CD38: variants seen among roughly 807,000 people sequenced by gnomAD.
CD38 encodes the protein ADP-ribosyl cyclase/cyclic ADP-ribose hydrolase 1.
In CD38, 31 loss-of-function variants were observed where a neutral mutation model predicts 36.3. The ratio of observed to expected loss-of-function variants is 0.85; its 90% CI spans 0.64 to 1.15. The LOEUF is 1.15. Ranked by LOEUF, CD38 falls within the 50% of genes most tolerant of loss-of-function variation. CD38 has a pLI of 0.00. For synonymous variants in CD38, 131 were observed against 135.2 expected, an observed-to-expected ratio of 0.97 and a Z score of 0.22; for missense variants, 380 against 371.9, an observed-to-expected ratio of 1.02 and a Z score of -0.18.
intron 1 of CD38, among the ~76,000 whole-genome samples, chr4:15,811,866 A>G (rs1577647032): frequency 6.6e-6 from 1 of 152,192 alleles, no homozygotes; most frequent in East Asian, 1.9e-4. Context: ...AAGTACTTTA[A>G]ACAAGACCAT....
chr4:15,839,415 C>CTTTTTTT (rs560134404), intron 5 of CD38, among the ~76,000 whole-genome samples: 9 of 88,066 alleles, frequency 1.0e-4, no homozygotes, highest in African/African-American at 1.0e-4. Flanking sequence ...TTCTACATTT[C>CTTTTTTT]TTTTTTTTTT....
At chr4:15,841,967 G>A (rs1363171401) in intron 7 of CD38, among the ~76,000 whole-genome samples, 2 of 138,742 alleles carry the variant, frequency 1.4e-5, no homozygotes, top group Non-Finnish European at 3.1e-5. Flanking sequence ...CTGCAAGGCG[G>A]CAACGAGGCT....
At chr4:15,823,786 C>T (rs569863033) in intron 2 of CD38, among the ~76,000 whole-genome samples, 26 of 152,204 alleles carry the variant, frequency 1.7e-4, no homozygotes, top group South Asian at 1.2e-3. Context: ...CTAGAAATAC[C>T]GTTTGACCCA....
At chr4:15,781,934 G>T (rs563452277) in intron 1 of CD38, among the ~76,000 whole-genome samples, 1 of 152,294 alleles carries the variant, frequency 6.6e-6, no homozygotes, top group African/African-American at 2.4e-5. Context: ...GGTTTGACTG[G>T]GATCAGCTGA....
intron 1 of CD38, among the ~76,000 whole-genome samples, chr4:15,784,036 C>T (rs3796878): frequency 0.12 from 18,126 of 152,142 alleles, 1,354 homozygotes; most frequent in Non-Finnish European, 0.17. Context: ...GGGAGGTATG[C>T]GGAGGACCAA....
At chr4:15,795,871 G>A (rs1261946620) in intron 1 of CD38, among the ~76,000 whole-genome samples, 1 of 152,152 alleles carries the variant, frequency 6.6e-6, no homozygotes, top group African/African-American at 2.4e-5. Flanking sequence ...ATAAATTTCC[G>A]ACGGCATATT....
chr4:15,851,658 C>T lies in CD38; in HGVS notation c.*3056C>T, dbSNP rs76010876. On this transcript the variant is annotated 3_prime_UTR_variant, in exon 8 of 8. Coordinates refer to ENST00000226279, the MANE Select transcript of CD38 (RefSeq NM_001775.4). ...GTAAGTGCATATGACTGCATACACC[C>T]ACACACACACACGTGCCTGTATACA... 3.8e-4 allele frequency: 58 copies of T among 151,868 alleles called. No individual in the cohort carries two copies. The highest frequency in any genetic ancestry group is 3.4e-3 in the Middle Eastern group (1 of 294). The allele number at this position is 151,868 out of a possible 1,614,324, so 9.4% of individuals were successfully genotyped here.
intron 1 of CD38, among the ~76,000 whole-genome samples, chr4:15,786,227 C>T (rs549905854): frequency 2.6e-5 from 4 of 152,196 alleles, no homozygotes; most frequent in African/African-American, 9.6e-5. Context: ...AGTGTTGGCT[C>T]CCCCCAGCCT....
intron 3 of CD38, among the ~76,000 whole-genome samples, chr4:15,831,879 C>G (rs761697319): frequency 6.6e-6 from 1 of 152,146 alleles, no homozygotes; most frequent in South Asian, 2.1e-4. Context: ...AACTTTCTAC[C>G]TGTATCTCTT....
intron 1 of CD38, among the ~76,000 whole-genome samples, chr4:15,804,425 C>T (rs1257552013): frequency 6.6e-6 from 1 of 152,124 alleles, no homozygotes; most frequent in Non-Finnish European, 1.5e-5. Context: ...GCTACTGGAC[C>T]TATATCCAAA....
At chr4:15,811,208 T>C (rs1423817019) in intron 1 of CD38, among the ~76,000 whole-genome samples, 1 of 152,242 alleles carries the variant, frequency 6.6e-6, no homozygotes, top group East Asian at 1.9e-4. Context: ...TTTTAATCCA[T>C]TCTGTGAATT....
chr4:15,803,633 C>A (rs1446976637), intron 1 of CD38, among the ~76,000 whole-genome samples: 1 of 152,042 alleles, frequency 6.6e-6, no homozygotes, highest in Admixed American at 6.6e-5. Flanking sequence ...ACAAAGCTAG[C>A]AAGAATGCAG....
intron 1 of CD38, among the ~76,000 whole-genome samples, chr4:15,811,719 T>C (rs535634941): frequency 6.6e-6 from 1 of 152,280 alleles, no homozygotes; most frequent in South Asian, 2.1e-4. Context: ...AGCAAAAGCT[T>C]TATCGTGAGG....
In CD38 at chr4:15,852,466, T is replaced by C. The variant is rs1283375217; in HGVS notation, c.*3864T>C. On this transcript the variant is annotated 3_prime_UTR_variant, in exon 8 of 8. Transcript: ENST00000226279. ...CACAGAAAACTGCTTTTGTGGGTTT[T>C]TAAAAGGCAAGTTGTTATATGTGCT... 1 of 152,232 alleles carries C rather than the reference T, an allele frequency of 6.6e-6. No homozygotes were observed. Among genetic ancestry groups the C allele is most frequent in the African/African-American group, 2.4e-5 (1 of 41,460 alleles). 9.4% of individuals were successfully genotyped at this position (152,232 alleles called of 1,614,324 possible).
intron 3 of CD38, among the ~76,000 whole-genome samples, chr4:15,829,836 T>A (rs1723923762): frequency 6.6e-6 from 1 of 152,218 alleles, no homozygotes; most frequent in Admixed American, 6.5e-5. Context: ...AGTGAGAACA[T>A]CCTATGTTTA....
chr4:15,789,059 ATT>A (rs1722899212), intron 1 of CD38, among the ~76,000 whole-genome samples: 1 of 152,256 alleles, frequency 6.6e-6, no homozygotes, highest in African/African-American at 2.4e-5. Context: ...TTACCAGATA[ATT>A]AAGTAATTCT....
chr4:15,842,272 A>C (rs1724229776), intron 7 of CD38, among the ~76,000 whole-genome samples: 1 of 135,410 alleles, frequency 7.4e-6, no homozygotes, highest in South Asian at 2.5e-4. Flanking sequence ...GAGCAGCCTA[A>C]CTGGGAGGCA....
At chr4:15,785,539 C>CTTTCTT (rs564219113) in intron 1 of CD38, among the ~76,000 whole-genome samples, 56,142 of 147,618 alleles carry the variant, frequency 0.38, 11,256 homozygotes, top group African/African-American at 0.53. Flanking sequence ...CGTTCCTTTT[C>CTTTCTT]TTTTTTTTTT....
chr4:15,794,506 A>T (rs1723068223), intron 1 of CD38, among the ~76,000 whole-genome samples: 1 of 152,180 alleles, frequency 6.6e-6, no homozygotes. Flanking sequence ...AGGGGGTATA[A>T]TCAGCTTGTT....
Sources: allele counts gnomAD v4.1 joint callset (sites outside exome capture counted in the v4.1 genomes callset), GRCh38; gene constraint gnomAD v4.1.1; transcripts MANE v1.5; gene names NCBI Gene and HGNC (gene_info 2026-07-23, HGNC 2026-07-21).